The following KIF16B variants were observed in gnomAD, a reference collection of about 807,000 sequenced individuals.
KIF16B encodes kinesin family member 16B, also known as kinesin-like protein KIF16B.
Under a neutral mutation model 156.3 loss-of-function variants are expected in KIF16B, and 98 were observed. The ratio of observed to expected loss-of-function variants is 0.63; its 90% CI spans 0.53 to 0.74. The LOEUF (loss-of-function observed/expected upper bound fraction) is 0.74, where lower values mean the gene tolerates loss of function less well. Among genes scored for constraint, KIF16B ranks in the 30% least tolerant of loss-of-function variants. The pLI is 0.00. For synonymous variants in KIF16B, 564 were observed against 583.7 expected, an observed-to-expected ratio of 0.97 and a Z score of 0.49; for missense variants, 1,421 against 1,606.5, an observed-to-expected ratio of 0.88 and a Z score of 1.97.
intron 25 of KIF16B, among the ~76,000 whole-genome samples, chr20:16,310,037 G>A (rs1233627399): frequency 1.3e-5 from 2 of 152,202 alleles, no homozygotes; most frequent in African/African-American, 2.4e-5. Flanking sequence ...GAATTAACTC[G>A]AGAAGCTCAG....
chr20:16,405,250 A>C (rs1252126948), intron 16 of KIF16B, among the ~76,000 whole-genome samples: 4 of 152,116 alleles, frequency 2.6e-5, no homozygotes, highest in Non-Finnish European at 2.9e-5. Flanking sequence ...AATCTCCTAT[A>C]ATCAGCGATA....
chr20:16,403,981 G>A (rs896595253), intron 17 of KIF16B, among the ~76,000 whole-genome samples: 5 of 152,192 alleles, frequency 3.3e-5, no homozygotes, highest in African/African-American at 1.2e-4. Context: ...GAAACTGACG[G>A]AGAGCAAATG....
At position 16,367,305 on chromosome 20, in the gene KIF16B, A is replaced by C. The variant is rs987600860; in HGVS notation, c.3498+3281T>G. ...CTTCCTGAAGGTGCTCAGGTGGACT[A>C]TTTCTGGAACCCACTGAAGGTTTGA... On this transcript the variant is annotated intron_variant, in intron 22 of 25. Transcript: ENST00000354981. The C allele has an allele frequency of 1.2e-6, 2 of 1,612,750 alleles. No individual in the cohort carries two copies. The highest frequency in any genetic ancestry group is 1.7e-6 in the Non-Finnish European group (2 of 1,179,890).
intron 12 of KIF16B, among the ~76,000 whole-genome samples, chr20:16,480,766 C>T (rs146474624): frequency 6.6e-6 from 1 of 152,314 alleles, no homozygotes; most frequent in Non-Finnish European, 1.5e-5. Flanking sequence ...CATCTCTTCA[C>T]ACTTTGTGTA....
chr20:16,498,554 C>T (rs1462980671), intron 10 of KIF16B, among the ~76,000 whole-genome samples: 1 of 151,972 alleles, frequency 6.6e-6, no homozygotes, highest in Non-Finnish European at 1.5e-5. Context: ...TTTAACACAC[C>T]AATATATCTT....
At chr20:16,419,311 A>C (rs117082178) in intron 15 of KIF16B, among the ~76,000 whole-genome samples, 1,977 of 152,266 alleles carry the variant, frequency 0.013, 24 homozygotes, top group Non-Finnish European at 0.021. Context: ...TCAGTGAAGG[A>C]ACAGACACTG....
intron 3 of KIF16B, among the ~76,000 whole-genome samples, chr20:16,516,932 C>T (rs2069163262): frequency 6.6e-6 from 1 of 152,244 alleles, no homozygotes; most frequent in African/African-American, 2.4e-5. Flanking sequence ...GCACTCACAT[C>T]TGCCAGTCAG....
intron 23 of KIF16B, among the ~76,000 whole-genome samples, chr20:16,349,889 G>A (rs2064302186): frequency 6.6e-6 from 1 of 152,224 alleles, no homozygotes; most frequent in Non-Finnish European, 1.5e-5. Context: ...TTAGAAGGGG[G>A]AGCTCACAGA....
chr20:16,403,437 C>G (rs1384244528), intron 17 of KIF16B, among the ~76,000 whole-genome samples: 1 of 152,186 alleles, frequency 6.6e-6, no homozygotes, highest in Non-Finnish European at 1.5e-5. Flanking sequence ...TCTCCCATTT[C>G]AGAGGTCTGA....
intron 12 of KIF16B, among the ~76,000 whole-genome samples, chr20:16,468,575 C>CAAAAAAAAAAAAAAAAAAAA: frequency 2.8e-5 from 1 of 35,852 alleles, no homozygotes; most frequent in African/African-American, 1.0e-4. Context: ...GACTCCGTCT[C>CAAAAAAAAAAAAAAAAAAAA]AAAAAAAAAA....
chr20:16,508,474 C>T (rs1005604617), intron 6 of KIF16B, among the ~76,000 whole-genome samples: 6 of 152,138 alleles, frequency 3.9e-5, no homozygotes, highest in African/African-American at 9.7e-5. Context: ...GGAACAGATT[C>T]GGGATGAAAT....
intron 23 of KIF16B, among the ~76,000 whole-genome samples, chr20:16,345,828 G>C (rs1481192125): frequency 2.6e-5 from 4 of 152,218 alleles, no homozygotes; most frequent in Non-Finnish European, 4.4e-5. Flanking sequence ...GAACGGAAAG[G>C]CTGGTGCTCT....
intron 24 of KIF16B, among the ~76,000 whole-genome samples, chr20:16,334,846 C>T (rs2064007845): frequency 6.6e-6 from 1 of 152,182 alleles, no homozygotes; most frequent in African/African-American, 2.4e-5. Flanking sequence ...GCCTGTAGAA[C>T]TGTAAGTCAA....
rs374237089 is a variant in KIF16B, at chr20:16,411,052, G to C, written c.1613-4596C>G. Reference sequence around the variant, plus strand: ...GACATACTCGTCAATAAATTTCTCTGCTGCTTCATAGTAAGCAGATACTTT... The same window carrying C: ...GACATACTCGTCAATAAATTTCTCTCCTGCTTCATAGTAAGCAGATACTTT... On this transcript the variant is annotated intron_variant, in intron 15 of 25. Transcript: ENST00000354981. Among the ~76,000 whole-genome samples, 14 of 151,958 alleles carry C rather than the reference G, an allele frequency of 9.2e-5. No individual in the cohort carries two copies. In the East Asian group the frequency reaches 2.3e-3, roughly 25 times the overall value.
chr20:16,425,072 G>C (rs1246756979), intron 15 of KIF16B, among the ~76,000 whole-genome samples: 2 of 152,052 alleles, frequency 1.3e-5, no homozygotes. Context: ...AAAGCATATG[G>C]AAGCAGTGAC....
chr20:16,405,019 G>T, intron 16 of KIF16B, 118 bp from the exon 17 acceptor site: 3 of 691,114 alleles, frequency 4.3e-6, no homozygotes, highest in Non-Finnish European at 7.7e-6. Context: ...TAATTAACAC[G>T]CACCACAATT....
chr20:16,296,601 G>A (rs1327192253), intron 25 of KIF16B, among the ~76,000 whole-genome samples: 1 of 152,200 alleles, frequency 6.6e-6, no homozygotes, highest in Admixed American at 6.5e-5. Context: ...GTAAATGAGC[G>A]TGGGAGCTGG....
intron 23 of KIF16B, among the ~76,000 whole-genome samples, chr20:16,345,023 C>T (rs1248114701): frequency 6.6e-6 from 1 of 152,188 alleles, no homozygotes; most frequent in Admixed American, 6.5e-5. Context: ...CAAGTCATCA[C>T]TTGTCCTTTT....
At chr20:16,474,699 C>T (rs1037548073) in intron 12 of KIF16B, among the ~76,000 whole-genome samples, 5 of 152,172 alleles carry the variant, frequency 3.3e-5, no homozygotes, top group Non-Finnish European at 1.5e-5. Context: ...AAAAATGTCT[C>T]AAAACCATAA....
Sources: allele counts gnomAD v4.1 joint callset (sites outside exome capture counted in the v4.1 genomes callset), GRCh38; gene constraint gnomAD v4.1.1; transcripts MANE v1.5; gene names NCBI Gene and HGNC (gene_info 2026-07-23, HGNC 2026-07-21).